LDB2: variants seen among roughly 807,000 people sequenced by gnomAD.
The protein encoded by LDB2 is LIM domain-binding protein 2.
LDB2 carries 12 observed loss-of-function variants against 44.3 expected under a neutral mutation model. The ratio of observed to expected loss-of-function variants is 0.27; its 90% confidence interval spans 0.17 to 0.44. LDB2 has a LOEUF of 0.44. Among genes scored for constraint, LDB2 ranks in the 20% least tolerant of loss-of-function variants. The pLI, the probability that LDB2 is intolerant of heterozygous loss-of-function variation, is 1.00. For missense variants in LDB2, 344 were observed against 473.5 expected, an observed-to-expected ratio of 0.73 and a Z score of 2.54; for synonymous variants, 164 against 174.8, an observed-to-expected ratio of 0.94 and a Z score of 0.49.
At chr4:16,576,752 C>T (rs566719468) in intron 5 of LDB2, among the ~76,000 whole-genome samples, 6 of 152,212 alleles carry the variant, frequency 3.9e-5, no homozygotes, top group African/African-American at 1.4e-4. Context: ...TACCCTGATC[C>T]CAAAACCAGA....
intron 4 of LDB2, among the ~76,000 whole-genome samples, chr4:16,586,384 TC>T (rs1186981894): frequency 6.6e-6 from 1 of 151,994 alleles, no homozygotes; most frequent in African/African-American, 2.4e-5. Flanking sequence ...ACTGGGCAGA[TC>T]CATGCTTCAG....
intron 5 of LDB2, among the ~76,000 whole-genome samples, chr4:16,542,102 G>GGT (rs1553889150): frequency 8.2e-4 from 4 of 4,874 alleles, no homozygotes; most frequent in African/African-American, 2.7e-3. Context: ...ATCAGGTGGT[G>GGT]GGGGGGGGGG....
At chr4:16,720,357 A>G (rs181094369) in intron 2 of LDB2, among the ~76,000 whole-genome samples, 3 of 152,226 alleles carry the variant, frequency 2.0e-5, no homozygotes, top group African/African-American at 7.2e-5. Context: ...GTGGACTGCA[A>G]TGTCAGCTCA....
chr4:16,558,013 T>A (rs192806812), intron 5 of LDB2, among the ~76,000 whole-genome samples: 1,952 of 152,210 alleles, frequency 0.013, 23 homozygotes, highest in Admixed American at 0.019. Context: ...GTCCTGTCTG[T>A]TAGAAGGAAA....
At chr4:16,876,262 T>C (rs780200304) in intron 1 of LDB2, among the ~76,000 whole-genome samples, 9 of 152,238 alleles carry the variant, frequency 5.9e-5, no homozygotes, top group Admixed American at 1.3e-4. Context: ...ACTGAGTTGA[T>C]TGATAATTTA....
At chr4:16,516,028 T>G (rs1723569775) in intron 5 of LDB2, among the ~76,000 whole-genome samples, 1 of 151,560 alleles carries the variant, frequency 6.6e-6, no homozygotes, top group South Asian at 2.1e-4. Flanking sequence ...CACGCCCAGC[T>G]AATTTTTTGT....
chr4:16,821,938 C>G (rs1021699794), intron 1 of LDB2, among the ~76,000 whole-genome samples: 2 of 151,872 alleles, frequency 1.3e-5, no homozygotes, highest in African/African-American at 2.4e-5. Flanking sequence ...TTTTCTTTTT[C>G]TGGAATGTTC....
At chr4:16,705,805 G>A (rs1346503567) in intron 2 of LDB2, among the ~76,000 whole-genome samples, 3 of 152,134 alleles carry the variant, frequency 2.0e-5, no homozygotes, top group Non-Finnish European at 4.4e-5. Context: ...TTTATAGTGA[G>A]TAATATTTAA....
At chr4:16,690,460 A>C (rs978350857) in intron 2 of LDB2, among the ~76,000 whole-genome samples, 5 of 37,676 alleles carry the variant, frequency 1.3e-4, no homozygotes, top group African/African-American at 5.7e-4. Context: ...AAGACCCTGC[A>C]GGAAGGAAGG....
chr4:16,522,276 TTGTGTGTGTG>T (rs139556977), intron 5 of LDB2, among the ~76,000 whole-genome samples: 1 of 150,234 alleles, frequency 6.7e-6, no homozygotes, highest in African/African-American at 2.5e-5. Flanking sequence ...GTGTGTGTGT[TTGTGTGTGTG>T]TGTGTGTGTG....
chr4:16,845,960 T>C (rs886111268), intron 1 of LDB2, among the ~76,000 whole-genome samples: 1 of 151,790 alleles, frequency 6.6e-6, no homozygotes, highest in African/African-American at 2.4e-5. Flanking sequence ...ATACAAAAAA[T>C]TAGCCAGGCG....
At chr4:16,526,332 G>A (rs1728225549) in intron 5 of LDB2, among the ~76,000 whole-genome samples, 1 of 152,214 alleles carries the variant, frequency 6.6e-6, no homozygotes, top group South Asian at 2.1e-4. Context: ...GCACTAGGCA[G>A]TGCTCCCCCG....
At chr4:16,515,120 A>C (rs1723148583) in intron 5 of LDB2, among the ~76,000 whole-genome samples, 1 of 152,196 alleles carries the variant, frequency 6.6e-6, no homozygotes, top group Non-Finnish European at 1.5e-5. Flanking sequence ...AAAGTACAAA[A>C]TCATGTTCTT....
At chr4:16,616,948 A>G (rs966968817) in intron 2 of LDB2, among the ~76,000 whole-genome samples, 7 of 152,190 alleles carry the variant, frequency 4.6e-5, no homozygotes, top group Non-Finnish European at 1.0e-4. Flanking sequence ...ACCTTGCTAC[A>G]TAATAACATC....
chr4:16,587,078 C>T (rs924450565), intron 4 of LDB2, among the ~76,000 whole-genome samples: 1 of 152,196 alleles, frequency 6.6e-6, no homozygotes, highest in African/African-American at 2.4e-5. Context: ...TATTAAACCA[C>T]TCTTATGTGC....
chr4:16,716,960 G>A (rs147238828), intron 2 of LDB2, among the ~76,000 whole-genome samples: 1,670 of 151,842 alleles, frequency 0.011, 31 homozygotes, highest in African/African-American at 0.037. Flanking sequence ...ACATAAAAGG[G>A]GATTTAATTT....
intron 5 of LDB2, among the ~76,000 whole-genome samples, chr4:16,534,115 C>T (rs1730974053): frequency 6.6e-6 from 1 of 152,146 alleles, no homozygotes; most frequent in African/African-American, 2.4e-5. Context: ...GCACCATGCA[C>T]AACTCACGTT....
At chr4:16,770,056 G>GC (rs1245053347) in intron 1 of LDB2, among the ~76,000 whole-genome samples, 5 of 152,286 alleles carry the variant, frequency 3.3e-5, no homozygotes, top group Admixed American at 1.3e-4. Context: ...AAACAGAAAT[G>GC]TTAGTTAGAA....
At chr4:16,789,873 A>C (rs962618014) in intron 1 of LDB2, among the ~76,000 whole-genome samples, 1 of 152,212 alleles carries the variant, frequency 6.6e-6, no homozygotes, top group Non-Finnish European at 1.5e-5. Context: ...TGGAGGTTGC[A>C]CGTAGCAGAG....
Sources: allele counts gnomAD v4.1 joint callset (sites outside exome capture counted in the v4.1 genomes callset), GRCh38; gene constraint gnomAD v4.1.1; transcripts MANE v1.5; gene names NCBI Gene and HGNC (gene_info 2026-07-23, HGNC 2026-07-21).